The following COL19A1 variants were observed in gnomAD, a reference collection of about 807,000 sequenced individuals.
The protein encoded by COL19A1 is collagen alpha-1(XIX) chain.
In COL19A1, 159 loss-of-function variants were observed where a neutral mutation model predicts 190.2. That is an observed-to-expected ratio of 0.84 (90% confidence interval 0.73 to 0.95). COL19A1 has a LOEUF of 0.95. Among genes scored for constraint, COL19A1 ranks in the 40% least tolerant of loss-of-function variants. The pLI, the probability that COL19A1 is intolerant of heterozygous loss-of-function variation, is 0.00. For synonymous variants in COL19A1, 509 were observed against 458.9 expected (o/e 1.11, Z -1.39); for missense variants, 1,418 against 1,431.9 (o/e 0.99, Z 0.16).
intron 12 of COL19A1, among the ~76,000 whole-genome samples, chr6:70,028,236 C>G (rs1453081997): frequency 2.0e-5 from 3 of 152,020 alleles, no homozygotes; most frequent in Non-Finnish European, 4.4e-5. Context: ...TAAATAGAAC[C>G]CTCTTTATAG....
intron 8 of COL19A1, among the ~76,000 whole-genome samples, chr6:69,937,764 G>A (rs991298115): frequency 1.3e-5 from 2 of 152,110 alleles, no homozygotes; most frequent in African/African-American, 4.8e-5. Flanking sequence ...GCAAGGTTCG[G>A]GGGTCCATAG....
intron 9 of COL19A1, among the ~76,000 whole-genome samples, chr6:69,959,323 C>A (rs1774627679): frequency 1.3e-5 from 2 of 151,950 alleles, no homozygotes; most frequent in Non-Finnish European, 2.9e-5. Context: ...ATGGCAATCA[C>A]CAGATATGGG....
chr6:70,144,289 A>G, intron 24 of COL19A1, 26 bp downstream of exon 24: 2 of 1,583,208 alleles, frequency 1.3e-6, no homozygotes, highest in Non-Finnish European at 8.6e-7. Context: ...TCCTCATTTT[A>G]TATGTTAAGT....
intron 15 of COL19A1, among the ~76,000 whole-genome samples, chr6:70,100,076 C>T (rs1383749625): frequency 6.6e-6 from 1 of 152,154 alleles, no homozygotes; most frequent in Non-Finnish European, 1.5e-5. Flanking sequence ...GCTTCATTTT[C>T]CCCGCTTCCT....
At chr6:70,060,300 A>C (rs1020609918) in intron 14 of COL19A1, among the ~76,000 whole-genome samples, 1 of 152,184 alleles carries the variant, frequency 6.6e-6, no homozygotes, top group African/African-American at 2.4e-5. Context: ...TCTTCTTTAC[A>C]ATATGCCAAA....
intron 14 of COL19A1, among the ~76,000 whole-genome samples, chr6:70,060,500 C>T (rs909155599): frequency 6.6e-6 from 1 of 152,092 alleles, no homozygotes; most frequent in African/African-American, 2.4e-5. Context: ...ACAGCCACTC[C>T]CCATTGCTCA....
intron 15 of COL19A1, among the ~76,000 whole-genome samples, chr6:70,094,441 A>G (rs1783116890): frequency 1.3e-5 from 2 of 152,200 alleles, no homozygotes; most frequent in South Asian, 2.1e-4. Context: ...GAGAGAAGTC[A>G]GCTGAATTAC....
intron 24 of COL19A1, 75 bp from the exon 25 acceptor site, chr6:70,144,843 A>G (rs1786509151): frequency 3.3e-6 from 3 of 919,440 alleles, no homozygotes; most frequent in Admixed American, 2.4e-5. Flanking sequence ...ACTTAAAACA[A>G]TGGAAACCAC....
At chr6:70,201,187 C>A (rs1267204292) in intron 49 of COL19A1, among the ~76,000 whole-genome samples, 1 of 152,172 alleles carries the variant, frequency 6.6e-6, no homozygotes, top group Non-Finnish European at 1.5e-5. Flanking sequence ...ATAGATCCTT[C>A]AAACAGTGGT....
At chr6:70,045,346 T>A (rs927599034) in intron 14 of COL19A1, among the ~76,000 whole-genome samples, 15 of 149,866 alleles carry the variant, frequency 1.0e-4, no homozygotes, top group Non-Finnish European at 2.1e-4. Context: ...CTTTCTCCGA[T>A]CATTCTGTCA....
At chr6:70,157,002 C>T (rs1019907571) in intron 34 of COL19A1, among the ~76,000 whole-genome samples, 11 of 152,066 alleles carry the variant, frequency 7.2e-5, no homozygotes, top group African/African-American at 2.4e-4. Flanking sequence ...CCAGCTCTCT[C>T]AAAATAAAAG....
intron 18 of COL19A1, among the ~76,000 whole-genome samples, chr6:70,132,563 C>G (rs548654210): frequency 3.8e-4 from 58 of 152,214 alleles, no homozygotes; most frequent in Middle Eastern, 3.4e-3. Flanking sequence ...AAATTTAAAG[C>G]TCCATCAAGC....
At chr6:70,134,995 A>C (rs1421625795) in intron 18 of COL19A1, among the ~76,000 whole-genome samples, 1 of 152,154 alleles carries the variant, frequency 6.6e-6, no homozygotes, top group Non-Finnish European at 1.5e-5. Context: ...CTTTTGACCA[A>C]CTGGCTATAA....
At chr6:69,985,765 A>T (rs1180195659) in intron 11 of COL19A1, among the ~76,000 whole-genome samples, 1 of 152,182 alleles carries the variant, frequency 6.6e-6, no homozygotes, top group Non-Finnish European at 1.5e-5. Context: ...GCATTTAAAA[A>T]TGCATATTAT....
At chr6:69,932,357 A>T (rs914831090) in intron 6 of COL19A1, among the ~76,000 whole-genome samples, 1 of 151,998 alleles carries the variant, frequency 6.6e-6, no homozygotes, top group Non-Finnish European at 1.5e-5. Flanking sequence ...CTCAAATAGG[A>T]GTCTGGAAGT....
chr6:70,148,934 A>G (rs1265622657), intron 27 of COL19A1, among the ~76,000 whole-genome samples: 1 of 152,094 alleles, frequency 6.6e-6, no homozygotes, highest in Non-Finnish European at 1.5e-5. Context: ...CTAAAAAAAA[A>G]AAAAGAAAAG....
chr6:69,879,682 A>T (rs1768381699), intron 2 of COL19A1, 24 bp downstream of exon 2: 1 of 1,598,090 alleles, frequency 6.3e-7, no homozygotes, highest in Admixed American at 1.7e-5. Context: ...CTCTTTGCCT[A>T]ATCACCAAAT....
chr6:69,911,572 G>A (rs1234762313), intron 4 of COL19A1, among the ~76,000 whole-genome samples: 1 of 152,172 alleles, frequency 6.6e-6, no homozygotes, highest in Non-Finnish European at 1.5e-5. Context: ...CATCTGGCTG[G>A]TTGAATTTGA....
At chr6:70,110,258 CA>C (rs146590325) in intron 16 of COL19A1, among the ~76,000 whole-genome samples, 2,499 of 152,222 alleles carry the variant, frequency 0.016, 69 homozygotes, top group African/African-American at 0.055. Flanking sequence ...AAATTCTTAA[CA>C]TCCCTTCTAG....
Sources: allele counts gnomAD v4.1 joint callset (sites outside exome capture counted in the v4.1 genomes callset), GRCh38; gene constraint gnomAD v4.1.1; transcripts MANE v1.5; gene names NCBI Gene and HGNC (gene_info 2026-07-23, HGNC 2026-07-21).